The following HAL variants were observed in gnomAD, a reference collection of about 807,000 sequenced individuals.
The protein encoded by HAL is histidine ammonia-lyase, also known as histidase.
Under a neutral mutation model 81.1 loss-of-function variants are expected in HAL, and 85 were observed. The observed-to-expected ratio is 1.05, with a 90% CI of 0.88 to 1.25. HAL has a LOEUF of 1.25. HAL is among the 50% of genes most tolerant of loss of function. HAL has a pLI of 0.00. For synonymous variants in HAL, 301 were observed against 309.2 expected (o/e 0.97, Z 0.28); for missense variants, 798 against 836.6 (o/e 0.95, Z 0.57).
chr12:95,992,733 C>T lies in HAL; in HGVS notation c.662G>A (p.Gly221Glu), dbSNP rs1386015917. ...GGTCTCCAGGGAAATGCCACTGTAT[C>T]CTTTGGCTAAGACATTGATCCTTAA... Reference protein sequence around the residue: ...LALRINVLAKGYSGISLETLK... With the variant: ...LALRINVLAKEYSGISLETLK... The change falls in exon 9 of 21, where the codon GGA becomes GAA. Residue 221 changes from glycine (G) to glutamate (E), a missense_variant. Physicochemically the swap from Gly to Glu is moderately conservative, Grantham distance 98 (BLOSUM62 -2). Coordinates refer to ENST00000261208, the MANE Select transcript of HAL (RefSeq NM_002108.4). The T allele has an allele frequency of 1.2e-6, 2 of 1,612,448 alleles. No homozygotes were observed. The highest frequency in any genetic ancestry group is 2.2e-5 in the East Asian group (1 of 44,898).
chr12:95,974,142 C>G lies in HAL; in HGVS notation c.*90G>C. 9.0e-7 allele frequency: 1 copy of G among 1,115,264 alleles called. No individual in the cohort carries two copies. The highest frequency in any genetic ancestry group is 1.5e-5 in the African/African-American group (1 of 65,714). 69.1% of individuals were successfully genotyped at this position (1,115,264 alleles called of 1,614,324 possible). A position where few individuals can be genotyped will look rare whatever the true frequency, so the allele number is the denominator to read the frequency against. On this transcript the variant is annotated 3_prime_UTR_variant, in exon 21 of 21. Transcript: ENST00000261208. ...TGAATGATACAATGGATTGATCTAC[C>G]TAGGAAAGTTCTCAGGTCTCTCCTT... is the stretch of plus-strand genomic sequence containing the variant.
Position 95,993,940 on chromosome 12 carries a change from A to G in HAL, c.470T>C (p.Ile157Thr), listed in dbSNP as rs150136984. Residue 157 changes from isoleucine to threonine, a missense_variant, in exon 6 of 21, where the codon ATA (isoleucine) becomes ACA (threonine). By Grantham distance (89) the Ile-to-Thr change is moderately conservative (BLOSUM62 -1). Transcript: ENST00000261208. ...QKSREVIDSI[I>T]KEKTVVYGIT... ...TAAAAAGATACCTGTTTTCTCTTTTATGATGCTATCTATGACCTCCCTGGA... is the reference window on the plus strand; with the variant it reads ...TAAAAAGATACCTGTTTTCTCTTTTGTGATGCTATCTATGACCTCCCTGGA... 1.7e-4 allele frequency: 267 copies of G among 1,597,694 alleles called. No individual in the cohort carries two copies. In the Middle Eastern group the frequency reaches 3.0e-3, roughly 18 times the overall value.
At position 95,972,808 on chromosome 12, in the gene HAL, T is replaced by A. The variant is rs187174637; in HGVS notation, c.*1424A>T. ...CTGCAGGGGCTGAAAGAATCCAGCA[T>A]TCCCCAAACTGGAGCGAAGAGCACC... On this transcript the variant is annotated 3_prime_UTR_variant, in exon 21 of 21. Coordinates refer to ENST00000261208, the MANE Select transcript of HAL (RefSeq NM_002108.4). 12 of 152,302 alleles carry A rather than the reference T, an allele frequency of 7.9e-5. No homozygotes were observed. The highest frequency in any genetic ancestry group is 6.5e-4 in the Admixed American group (10 of 15,304). 9.4% of individuals were successfully genotyped at this position (152,302 alleles called of 1,614,324 possible).
intron 10 of HAL, among the ~76,000 whole-genome samples, chr12:95,990,137 G>A (rs1407966696): frequency 6.6e-6 from 1 of 152,222 alleles, no homozygotes; most frequent in Admixed American, 6.5e-5. Context: ...AGGATAAATA[G>A]TTGGGATTAA....
rs372729432 is a variant in HAL, at chr12:95,980,659, C to T, written c.1416G>A (p.Glu472=). The change falls in exon 17 of 21, where the codon GAG becomes GAA. Residue 472 remains glutamate, a synonymous_variant. Transcript: ENST00000261208. ...ELAAISERRI[E]RLCNPSLSEL... ...CACTGAGGGAGGGATTGCAGAGCCG[C>T]TCGATTCTTCTCTCACTGATTGCAG... 6.1e-5 allele frequency: 98 copies of T among 1,613,874 alleles called. 2 individuals are homozygous for T. In the South Asian group the frequency reaches 8.9e-4, roughly 15 times the overall value.
intron 20 of HAL, among the ~76,000 whole-genome samples, chr12:95,975,661 C>T (rs999979703): frequency 5.3e-5 from 8 of 152,156 alleles, no homozygotes; most frequent in African/African-American, 1.7e-4. Context: ...GCTAACCTCT[C>T]GTATACCTCC....
chr12:95,984,901 G>C (rs1170405102), intron 14 of HAL, among the ~76,000 whole-genome samples: 1 of 152,008 alleles, frequency 6.6e-6, no homozygotes, highest in Non-Finnish European at 1.5e-5. Context: ...GGGAAATGAG[G>C]GTATTTATTC....
chr12:95,979,513 G>C (rs959230126), intron 17 of HAL, among the ~76,000 whole-genome samples: 2 of 152,188 alleles, frequency 1.3e-5, no homozygotes, highest in African/African-American at 4.8e-5. Flanking sequence ...CACAGAGCTA[G>C]TAAATGGCAG....
Position 95,996,134 on chromosome 12 carries a change from G to A in HAL, c.-138C>T. The A allele has an allele frequency of 1.8e-6, 1 of 563,032 alleles. No individual in the cohort carries two copies. The highest frequency in any genetic ancestry group is 3.2e-6 in the Non-Finnish European group (1 of 308,192). The allele number at this position is 563,032 out of a possible 1,614,324, so 34.9% of individuals were successfully genotyped here. On this transcript the variant is annotated 5_prime_UTR_variant, in exon 1 of 21. Transcript: ENST00000261208. Reference sequence around the variant, plus strand: ...GGGGCAGGAGCAGGGGATGCAGACGGGTGAGCCTCCTGTCCACTTTCCATC... The same window carrying A: ...GGGGCAGGAGCAGGGGATGCAGACGAGTGAGCCTCCTGTCCACTTTCCATC...
In HAL at chr12:95,976,514, A is replaced by T; in HGVS notation, c.1764-16T>A. 2 of 1,613,438 alleles carry T rather than the reference A, an allele frequency of 1.2e-6. No individual in the cohort carries two copies. The highest frequency in any genetic ancestry group is 1.1e-5 in the South Asian group (1 of 91,070). On this transcript the variant is annotated splice_polypyrimidine_tract_variant and intron_variant, in intron 19 of 20. Coordinates refer to ENST00000261208, the MANE Select transcript of HAL (RefSeq NM_002108.4). The stretch of plus-strand genomic sequence containing the variant: ...TATCCAGGGCCTACAGGGAGAGCAC[A>T]TCCGCCCATCAGCCAAACATGAAAC...
intron 14 of HAL, among the ~76,000 whole-genome samples, chr12:95,984,255 G>A (rs1949849566): frequency 6.6e-6 from 1 of 152,184 alleles, no homozygotes; most frequent in African/African-American, 2.4e-5. Context: ...GGTGTGGGAG[G>A]AAGAATGCCA....
Position 95,973,988 on chromosome 12 carries a change from A to G in HAL, c.*244T>C, listed in dbSNP as rs1034163177. ...AGTGAGTGGCCTGTTGAAACTGTTAAGAAAGAAAGAAAAGTTTTATAATCT... is the reference window on the plus strand; with the variant it reads ...AGTGAGTGGCCTGTTGAAACTGTTAGGAAAGAAAGAAAAGTTTTATAATCT... On this transcript the variant is annotated 3_prime_UTR_variant, in exon 21 of 21. Coordinates refer to ENST00000261208, the MANE Select transcript of HAL (RefSeq NM_002108.4). 17 of 546,534 alleles carry G rather than the reference A, an allele frequency of 3.1e-5. No homozygotes were observed. The highest frequency in any genetic ancestry group is 4.3e-5 in the Non-Finnish European group (13 of 305,266). 33.9% of individuals were successfully genotyped at this position (546,534 alleles called of 1,614,324 possible).
chr12:95,978,418 T>G (rs2080750875), intron 17 of HAL, among the ~76,000 whole-genome samples: 1 of 152,168 alleles, frequency 6.6e-6, no homozygotes, highest in Non-Finnish European at 1.5e-5. Flanking sequence ...TTCAGGTACT[T>G]GACGTCAATT....
At chr12:95,995,184 C>T in intron 2 of HAL, 191 bp from the exon 3 acceptor site, 1 of 651,848 alleles carries the variant, frequency 1.5e-6, no homozygotes, top group South Asian at 1.7e-5. Flanking sequence ...AGGTAGGTGT[C>T]AGGGCAGAGA....
chr12:95,994,789 G>A lies in HAL; in HGVS notation c.336+9C>T. On this transcript the variant is annotated intron_variant, in intron 4 of 20. Coordinates refer to ENST00000261208, the MANE Select transcript of HAL (RefSeq NM_002108.4). Reference sequence around the variant, plus strand: ...TTTCTGAAGAAAAAGAAAGTGGTTTGAAGCTTACCTTTTCAGGCTCCCGGT... The same window carrying A: ...TTTCTGAAGAAAAAGAAAGTGGTTTAAAGCTTACCTTTTCAGGCTCCCGGT... The A allele has an allele frequency of 1.2e-6, 2 of 1,613,398 alleles. No homozygotes were observed. The highest frequency in any genetic ancestry group is 2.2e-5 in the South Asian group (2 of 91,062).
chr12:95,994,220 A>G, intron 4 of HAL, 56 bp from the exon 5 acceptor site: 1 of 1,164,580 alleles, frequency 8.6e-7, no homozygotes, highest in Non-Finnish European at 1.3e-6. Flanking sequence ...TTCTAACCAG[A>G]GTAGGGACAC....
At chr12:95,990,678 T>C (rs891793768) in intron 9 of HAL, 146 bp from the exon 10 acceptor site, 2 of 730,524 alleles carry the variant, frequency 2.7e-6, no homozygotes, top group African/African-American at 3.5e-5. Context: ...GAAAGACAAT[T>C]CTTCAAACCC....
intron 20 of HAL, 91 bp from the exon 21 acceptor site, chr12:95,974,463 C>A: frequency 8.8e-7 from 1 of 1,131,682 alleles, no homozygotes; most frequent in South Asian, 1.2e-5. Context: ...TCAAAACATA[C>A]TCTATACATG....
chr12:95,993,693 G>A (rs1001461636), intron 7 of HAL, 79 bp downstream of exon 7: 1 of 935,248 alleles, frequency 1.1e-6, no homozygotes, highest in African/African-American at 1.6e-5. Flanking sequence ...TGGGGCAAAT[G>A]TGAATTATTT....
Sources: allele counts gnomAD v4.1 joint callset (sites outside exome capture counted in the v4.1 genomes callset), GRCh38; gene constraint gnomAD v4.1.1; transcripts MANE v1.5; gene names NCBI Gene and HGNC (gene_info 2026-07-23, HGNC 2026-07-21).